Variants in SLCO1A2 observed in about 807,000 individuals in gnomAD.
SLCO1A2 encodes the protein OATP-1.
SLCO1A2 carries 67 observed loss-of-function variants against 69.0 expected under a neutral mutation model. That is an observed-to-expected ratio of 0.97 (90% confidence interval 0.80 to 1.19). The LOEUF (loss-of-function observed/expected upper bound fraction) is 1.19, where lower values mean the gene tolerates loss of function less well. SLCO1A2 is among the 50% of genes most tolerant of loss of function. The probability of loss-of-function intolerance (pLI) is 0.00; values close to 1 mark genes in which losing one functional copy is unlikely to be tolerated. For synonymous variants in SLCO1A2, 260 were observed against 265.9 expected, an observed-to-expected ratio of 0.98 and a Z score of 0.22; for missense variants, 787 against 793.7, an observed-to-expected ratio of 0.99 and a Z score of 0.10.
At chr12:21,387,556 G>A (rs1029794559) in intron 1 of SLCO1A2, among the ~76,000 whole-genome samples, 1 of 152,158 alleles carries the variant, frequency 6.6e-6, no homozygotes, top group Non-Finnish European at 1.5e-5. Flanking sequence ...TTGACCCTAC[G>A]GGGCACAGAA....
At chr12:21,414,633 A>T (rs1394012513) in intron 1 of SLCO1A2, among the ~76,000 whole-genome samples, 1 of 152,054 alleles carries the variant, frequency 6.6e-6, no homozygotes. Flanking sequence ...GCCATCTCTA[A>T]ATGTTAGGTG....
chr12:21,351,991 A>G (rs932740276), intron 2 of SLCO1A2, among the ~76,000 whole-genome samples: 2 of 152,100 alleles, frequency 1.3e-5, no homozygotes, highest in African/African-American at 4.8e-5. Flanking sequence ...CCTGAATTTC[A>G]AAGAAGGTTA....
intron 2 of SLCO1A2, among the ~76,000 whole-genome samples, chr12:21,370,405 T>C (rs1339621008): frequency 1.3e-5 from 2 of 151,910 alleles, no homozygotes; most frequent in Admixed American, 1.3e-4. Flanking sequence ...TATATACATG[T>C]GCCATGTTGG....
intron 2 of SLCO1A2, among the ~76,000 whole-genome samples, chr12:21,354,806 TC>T (rs1938233050): frequency 1.3e-5 from 2 of 152,170 alleles, no homozygotes; most frequent in African/African-American, 4.8e-5. Context: ...ACTACTCATA[TC>T]TCCCAATAAG....
intron 1 of SLCO1A2, among the ~76,000 whole-genome samples, chr12:21,404,227 A>ATTTAT (rs368900889): frequency 0.035 from 5,337 of 152,026 alleles, 130 homozygotes; most frequent in Non-Finnish European, 0.049. Flanking sequence ...AGTTGGATTT[A>ATTTAT]TTTATTTTAT....
intron 2 of SLCO1A2, among the ~76,000 whole-genome samples, chr12:21,371,004 C>G (rs1939746130): frequency 6.6e-6 from 1 of 152,228 alleles, no homozygotes; most frequent in Admixed American, 6.5e-5. Context: ...AACTCTGTGA[C>G]TGCTCCTGCA....
At chr12:21,273,115 G>C (rs997117289) in intron 14 of SLCO1A2, among the ~76,000 whole-genome samples, 1 of 152,170 alleles carries the variant, frequency 6.6e-6, no homozygotes, top group African/African-American at 2.4e-5. Flanking sequence ...TGGTGAGACA[G>C]AGGGAGAACC....
intron 13 of SLCO1A2, 79 bp downstream of exon 13, chr12:21,275,281 C>A (rs1397658885): frequency 8.5e-6 from 11 of 1,298,834 alleles, no homozygotes; most frequent in Non-Finnish European, 1.0e-5. Context: ...GCACATGTAC[C>A]CTAAAACTTA....
chr12:21,270,368 C>G (rs1427334002), intron 14 of SLCO1A2, among the ~76,000 whole-genome samples: 3 of 151,686 alleles, frequency 2.0e-5, no homozygotes, highest in African/African-American at 7.2e-5. Context: ...TTAAAATAAA[C>G]TGTAATTTTT....
At position 21,413,237 on chromosome 12, in the gene SLCO1A2, C is replaced by CTTT. The variant is rs3983534; in HGVS notation, c.-312+4642_-312+4644dup. 3.1e-3 allele frequency among the ~76,000 whole-genome samples: 312 copies of CTTT among 99,444 alleles called. 7 individuals carry two copies. Among genetic ancestry groups the CTTT allele is most frequent in the Non-Finnish European group, 3.9e-3 (204 of 52,528 alleles). The allele number at this position is 99,444 out of a possible 152,430, so 65.2% of individuals were successfully genotyped here. On this transcript the variant is annotated intron_variant, in intron 1 of 4. Transcript: ENST00000413682. ...ACTTTCTTCTTTTCTTTTTCTTTTT[C>CTTT]TTTTTTTTTTTTTTTTTTTGAGAAG...
intron 1 of SLCO1A2, among the ~76,000 whole-genome samples, chr12:21,392,952 CA>C (rs2137159692): frequency 1.3e-5 from 2 of 152,166 alleles, no homozygotes; most frequent in South Asian, 4.1e-4. Context: ...ATTTCCTTTC[CA>C]AATGTTACAA....
chr12:21,275,219 G>A, intron 13 of SLCO1A2, 141 bp downstream of exon 13: 2 of 848,386 alleles, frequency 2.4e-6, no homozygotes, highest in Non-Finnish European at 3.3e-6. Context: ...GTTAATGGGT[G>A]CAGCACACCA....
rs1288034465 is a variant in SLCO1A2, at chr12:21,269,343, G to C, written c.*205C>G. 1 of 417,678 alleles carries C rather than the reference G, an allele frequency of 2.4e-6. No individual in the cohort carries two copies. The highest frequency in any genetic ancestry group is 2.1e-5 in the African/African-American group (1 of 48,582). The allele number at this position is 417,678 out of a possible 1,614,324, so 25.9% of individuals were successfully genotyped here. On this transcript the variant is annotated 3_prime_UTR_variant, in exon 15 of 15. Transcript: ENST00000683939. ...CTCTAAGAATCTTCTTTAGGGGGCTGTTATTGATGTCCCTCCTAGGAAAAC... is the reference window on the plus strand; with the variant it reads ...CTCTAAGAATCTTCTTTAGGGGGCTCTTATTGATGTCCCTCCTAGGAAAAC...
chr12:21,398,570 A>C (rs1416787557), upstream of SLCO1A2, among the ~76,000 whole-genome samples: 2 of 151,978 alleles, frequency 1.3e-5, no homozygotes, highest in East Asian at 1.9e-4. Flanking sequence ...GAGACACAAC[A>C]AAAAAAGAGA....
intron 5 of SLCO1A2, among the ~76,000 whole-genome samples, chr12:21,305,157 C>T (rs1334441024): frequency 1.3e-5 from 2 of 152,178 alleles, no homozygotes; most frequent in Admixed American, 6.5e-5. Context: ...CTGTAACCAC[C>T]AAATAACTTT....
rs371139204 is a variant in SLCO1A2 at position 21,319,356 on chromosome 12, T to C, written c.61-433A>G. 1.2e-5 allele frequency: 17 copies of C among 1,368,196 alleles called. No individual in the cohort carries two copies. The African/African-American group carries it at 2.2e-4, about 18-fold the overall frequency. 84.8% of individuals were successfully genotyped at this position (1,368,196 alleles called of 1,614,324 possible). On this transcript the variant is annotated intron_variant, in intron 2 of 14. Coordinates refer to ENST00000683939, the MANE Select transcript of SLCO1A2 (RefSeq NM_001386879.1). ...TACTTAAGTTCTCTCTGCAGGACAA[T>C]AGGTCCCCAGATTACCTTGGCCGAC... is the stretch of plus-strand genomic sequence containing the variant.
intron 4 of SLCO1A2, 54 bp downstream of exon 4, chr12:21,314,495 C>A: frequency 6.2e-7 from 1 of 1,602,852 alleles, no homozygotes; most frequent in Non-Finnish European, 8.5e-7. Flanking sequence ...AGTGCAACTT[C>A]ATTTCCTGCA....
chr12:21,376,981 C>T (rs977136520), intron 1 of SLCO1A2, among the ~76,000 whole-genome samples: 4 of 152,094 alleles, frequency 2.6e-5, no homozygotes, highest in Admixed American at 2.0e-4. Context: ...TTTCCGATAT[C>T]GTTTTAAAAG....
chr12:21,382,894 C>T (rs1367440037), intron 1 of SLCO1A2, among the ~76,000 whole-genome samples: 1 of 151,846 alleles, frequency 6.6e-6, no homozygotes, highest in African/African-American at 2.4e-5. Flanking sequence ...AGGATTGAAA[C>T]TCAGGTATAT....
Sources: allele counts gnomAD v4.1 joint callset (sites outside exome capture counted in the v4.1 genomes callset), GRCh38; gene constraint gnomAD v4.1.1; transcripts MANE v1.5; gene names NCBI Gene and HGNC (gene_info 2026-07-23, HGNC 2026-07-21).